The following FCHSD2 variants were observed in gnomAD, a reference collection of about 807,000 sequenced individuals.
The protein encoded by FCHSD2 is FCH and double SH3 domains 2.
In FCHSD2, 38 loss-of-function variants were observed where a neutral mutation model predicts 108.1. The observed-to-expected ratio is 0.35, with a 90% CI of 0.27 to 0.46. The LOEUF is 0.46. Among genes scored for constraint, FCHSD2 ranks in the 20% least tolerant of loss-of-function variants. The pLI, the probability that FCHSD2 is intolerant of heterozygous loss-of-function variation, is 1.00. For synonymous variants in FCHSD2, 279 were observed against 314.7 expected, an observed-to-expected ratio of 0.89 and a Z score of 1.20; for missense variants, 751 against 897.8, an observed-to-expected ratio of 0.84 and a Z score of 2.09.
Position 73,051,910 on chromosome 11 carries a change from CACA to C in FCHSD2, c.165+31782_165+31784del, listed in dbSNP as rs1565386240. On this transcript the variant is annotated intron_variant, in intron 3 of 19. Coordinates refer to ENST00000409418, the MANE Select transcript of FCHSD2 (RefSeq NM_014824.3). ...ACACACACACACACACACACACACA[CACA>C]CACCCCACACACACTGACATCAGGG... is the stretch of plus-strand genomic sequence containing the variant. Among the ~76,000 whole-genome samples the C allele has an allele frequency of 2.3e-4, 34 of 145,558 alleles. 1 individual carries two copies. The highest frequency in any genetic ancestry group is 7.3e-4 in the African/African-American group (28 of 38,598).
chr11:73,008,910 T>C (rs1013267531), intron 4 of FCHSD2, among the ~76,000 whole-genome samples: 1 of 151,974 alleles, frequency 6.6e-6, no homozygotes, highest in Non-Finnish European at 1.5e-5. Context: ...TAAAAATATA[T>C]TATTATTACC....
intron 8 of FCHSD2, among the ~76,000 whole-genome samples, chr11:72,943,884 C>T (rs1398511431): frequency 6.6e-6 from 1 of 152,134 alleles, no homozygotes; most frequent in Non-Finnish European, 1.5e-5. Context: ...ACACTAAGAA[C>T]GTATGAAGAT....
chr11:73,093,307 G>C (rs527300183), intron 2 of FCHSD2, among the ~76,000 whole-genome samples: 1 of 152,264 alleles, frequency 6.6e-6, no homozygotes, highest in African/African-American at 2.4e-5. Flanking sequence ...TAACCTTACT[G>C]AGTAAACTTT....
chr11:73,093,665 G>A (rs112406958), intron 2 of FCHSD2, among the ~76,000 whole-genome samples: 34,112 of 151,826 alleles, frequency 0.22, 4,602 homozygotes, highest in Middle Eastern at 0.37. Context: ...GCAATGACGC[G>A]GTCTTGGCTC....
At chr11:73,035,621 A>G (rs893894079) in intron 3 of FCHSD2, among the ~76,000 whole-genome samples, 1 of 152,082 alleles carries the variant, frequency 6.6e-6, no homozygotes, top group African/African-American at 2.4e-5. Flanking sequence ...CATCTATTCA[A>G]TAAGTACTTA....
At chr11:72,856,707 C>T (rs1336462315) in intron 13 of FCHSD2, among the ~76,000 whole-genome samples, 2 of 152,148 alleles carry the variant, frequency 1.3e-5, no homozygotes, top group East Asian at 1.9e-4. Context: ...TCAGTCAGTT[C>T]GGTGGCAAAA....
Position 72,843,299 on chromosome 11 carries a change from A to G in FCHSD2, c.1557T>C (p.Tyr519=). The change falls in exon 16 of 20, where the codon TAT becomes TAC. Residue 519 remains tyrosine, a synonymous_variant. Coordinates refer to ENST00000409418, the MANE Select transcript of FCHSD2 (RefSeq NM_014824.3). ...GAAACTGTAGGTACTTTTCTGGCAC[A>G]TAACCCACTTGGCCAACTTTATTTC... The part of the protein sequence containing the change: ...KARNKVGQVG[Y]VPEKYLQFPT... 6.2e-7 allele frequency: 1 copy of G among 1,613,978 alleles called. No individual in the cohort carries two copies. The highest frequency in any genetic ancestry group is 1.3e-5 in the African/African-American group (1 of 75,056).
Position 73,014,859 on chromosome 11 carries a change from T to C in FCHSD2, c.242+950A>G, listed in dbSNP as rs147642368. On this transcript the variant is annotated intron_variant, in intron 4 of 19. Coordinates refer to ENST00000409418, the MANE Select transcript of FCHSD2 (RefSeq NM_014824.3). ...AAAAAGAAATCAAATTCTTTTTTTT[T>C]TTGAGCTGGAGTCTCACTCTGTCGC... Among the ~76,000 whole-genome samples the C allele has an allele frequency of 5.3e-4, 81 of 152,258 alleles. 8 individuals are homozygous for C. Among genetic ancestry groups the C allele is most frequent in the East Asian group, 5.0e-3 (26 of 5,184 alleles).
chr11:72,841,434 A>G lies in FCHSD2; in HGVS notation c.2056+20T>C. The G allele has an allele frequency of 6.2e-7, 1 of 1,605,848 alleles. No homozygotes were observed. The highest frequency in any genetic ancestry group is 8.5e-7 in the Non-Finnish European group (1 of 1,176,556). ...CTGAAGTGAAAATGCATTTAGACCC[A>G]TGCCCAGGAGAACCCTTACCGTTTG... On this transcript the variant is annotated intron_variant, in intron 18 of 19. Transcript: ENST00000409418.
chr11:72,844,012 AAAAC>A (rs1173460637), intron 14 of FCHSD2, among the ~76,000 whole-genome samples: 3 of 152,138 alleles, frequency 2.0e-5, no homozygotes, highest in Non-Finnish European at 2.9e-5. Flanking sequence ...TGTCTCTAAA[AAAAC>A]AAACAAAAAA....
intron 9 of FCHSD2, among the ~76,000 whole-genome samples, chr11:72,902,940 T>C (rs553962963): frequency 1.3e-5 from 2 of 152,284 alleles, no homozygotes; most frequent in African/African-American, 4.8e-5. Flanking sequence ...CAAAAAGCTA[T>C]TCTGTGTAAC....
chr11:73,141,634 G>C (rs1861250877), intron 1 of FCHSD2, among the ~76,000 whole-genome samples: 1 of 152,176 alleles, frequency 6.6e-6, no homozygotes. Flanking sequence ...AAATGTCTGG[G>C]GGTCTCCTGC....
intron 4 of FCHSD2, among the ~76,000 whole-genome samples, chr11:73,003,116 G>C (rs557906747): frequency 1.4e-4 from 21 of 152,272 alleles, no homozygotes; most frequent in Middle Eastern, 3.4e-3. Flanking sequence ...TTTATAGCAG[G>C]GAAACATATC....
intron 3 of FCHSD2, among the ~76,000 whole-genome samples, chr11:73,066,311 C>G (rs947817900): frequency 1.3e-5 from 2 of 152,116 alleles, no homozygotes; most frequent in Non-Finnish European, 1.5e-5. Flanking sequence ...AAAATTGAAA[C>G]CGGATCCCTT....
At chr11:73,093,309 G>A (rs900938530) in intron 2 of FCHSD2, among the ~76,000 whole-genome samples, 1 of 152,138 alleles carries the variant, frequency 6.6e-6, no homozygotes, top group African/African-American at 2.4e-5. Context: ...ACCTTACTGA[G>A]TAAACTTTCA....
chr11:73,089,426 C>T (rs1323331693), intron 2 of FCHSD2, among the ~76,000 whole-genome samples: 2 of 152,146 alleles, frequency 1.3e-5, no homozygotes, highest in Non-Finnish European at 2.9e-5. Flanking sequence ...CAATTCTATT[C>T]CTAGGTGTAT....
At position 72,986,130 on chromosome 11, in the gene FCHSD2, T is replaced by G. The variant is rs747748872; in HGVS notation, c.522-1014A>C. On this transcript the variant is annotated intron_variant, in intron 6 of 19. Transcript: ENST00000409418. ...ATGAACACATATGCAGCCCAACTAC[T>G]TCCCCATTGTTAAAAAAATTGGGTT... Among the ~76,000 whole-genome samples the G allele has an allele frequency of 4.3e-4, 65 of 152,192 alleles. 2 individuals are homozygous for G. The highest frequency in any genetic ancestry group is 8.8e-5 in the Non-Finnish European group (6 of 68,038).
chr11:72,983,635 A>T, intron 8 of FCHSD2: 1 of 200,384 alleles, frequency 5.0e-6, no homozygotes, highest in Non-Finnish European at 1.0e-5. Context: ...CAAAAAATAC[A>T]GATACAATCT....
chr11:73,137,249 G>T (rs1861140378), intron 2 of FCHSD2, among the ~76,000 whole-genome samples: 1 of 151,778 alleles, frequency 6.6e-6, no homozygotes, highest in South Asian at 2.1e-4. Flanking sequence ...AGGTAATACG[G>T]TATCCTATTT....
Sources: gnomAD v4.1 joint callset for allele counts (sites outside exome capture counted in the v4.1 genomes callset) on GRCh38, gnomAD v4.1.1 for gene constraint, MANE v1.5 for transcripts, NCBI Gene and HGNC (gene_info 2026-07-23, HGNC 2026-07-21) for gene names.